The following NKAIN3 variants were observed in gnomAD, a reference collection of about 807,000 sequenced individuals.
NKAIN3 encodes sodium/potassium transporting ATPase interacting 3, also known as sodium/potassium-transporting ATPase subunit beta-1-interacting protein 3.
NKAIN3 carries 25 observed loss-of-function variants against 30.2 expected under a neutral mutation model. The observed-to-expected ratio is 0.83, with a 90% CI of 0.60 to 1.16. The LOEUF is 1.16. Ranked by LOEUF, NKAIN3 falls within the 50% of genes most tolerant of loss-of-function variation. The pLI, the probability that NKAIN3 is intolerant of heterozygous loss-of-function variation, is 0.00. For missense variants in NKAIN3, 225 were observed against 254.1 expected (o/e 0.89, Z 0.78); for synonymous variants, 91 against 89.6 (o/e 1.02, Z -0.09).
At chr8:62,879,103 G>C (rs1391976214) in intron 4 of NKAIN3, among the ~76,000 whole-genome samples, 2 of 152,148 alleles carry the variant, frequency 1.3e-5, no homozygotes, top group African/African-American at 2.4e-5. Flanking sequence ...TTCCACAACG[G>C]TTGAACTAGT....
intron 4 of NKAIN3, among the ~76,000 whole-genome samples, chr8:62,758,403 C>G (rs927463409): frequency 4.6e-5 from 7 of 152,062 alleles, no homozygotes; most frequent in Non-Finnish European, 8.8e-5. Context: ...GTATAAGATG[C>G]TAACATTTGA....
chr8:62,560,114 T>C (rs1809521792), intron 1 of NKAIN3, among the ~76,000 whole-genome samples: 1 of 152,172 alleles, frequency 6.6e-6, no homozygotes, highest in Non-Finnish European at 1.5e-5. Context: ...GCTTTTGTAA[T>C]TTCTACAATA....
At chr8:62,462,498 A>T (rs917869414) in intron 1 of NKAIN3, among the ~76,000 whole-genome samples, 8 of 152,168 alleles carry the variant, frequency 5.3e-5, no homozygotes, top group African/African-American at 1.9e-4. Context: ...AAATGTCAGT[A>T]CTCTGGGCAA....
chr8:62,479,176 C>T (rs1266833693), intron 1 of NKAIN3, among the ~76,000 whole-genome samples: 5 of 152,166 alleles, frequency 3.3e-5, no homozygotes, highest in African/African-American at 1.2e-4. Context: ...CATTCCTGGA[C>T]ATGAGTGTTT....
intron 5 of NKAIN3, among the ~76,000 whole-genome samples, chr8:62,949,314 T>C (rs747677852): frequency 6.6e-6 from 1 of 152,184 alleles, no homozygotes; most frequent in Non-Finnish European, 1.5e-5. Flanking sequence ...AAACTTCATT[T>C]GTGTGTCCCA....
At chr8:62,355,990 C>T (rs1334985095) in intron 1 of NKAIN3, among the ~76,000 whole-genome samples, 4 of 152,096 alleles carry the variant, frequency 2.6e-5, no homozygotes, top group Admixed American at 1.3e-4. Context: ...TATTTAAAAA[C>T]CTTGTGAATA....
chr8:62,751,751 G>A (rs1450629162), intron 4 of NKAIN3, among the ~76,000 whole-genome samples: 1 of 151,722 alleles, frequency 6.6e-6, no homozygotes, highest in African/African-American at 2.4e-5. Flanking sequence ...TATATAGATA[G>A]TATGTGTTAC....
intron 1 of NKAIN3, among the ~76,000 whole-genome samples, chr8:62,428,735 C>G (rs1804897504): frequency 6.6e-6 from 1 of 151,402 alleles, no homozygotes; most frequent in Non-Finnish European, 1.5e-5. Flanking sequence ...TTATTAATAC[C>G]CTTTCAGATA....
chr8:62,798,583 A>C (rs1424388332), intron 4 of NKAIN3, among the ~76,000 whole-genome samples: 2 of 151,998 alleles, frequency 1.3e-5, no homozygotes, highest in African/African-American at 4.8e-5. Context: ...CCCAAAAAAA[A>C]AACAACAAAA....
chr8:62,856,037 C>T, intron 4 of NKAIN3: 1 of 684,848 alleles, frequency 1.5e-6, no homozygotes, highest in Non-Finnish European at 2.7e-6. Flanking sequence ...GATGATGGTG[C>T]TTCTTCAGCA....
chr8:62,903,600 G>C (rs1214930234), intron 4 of NKAIN3, among the ~76,000 whole-genome samples: 1 of 152,136 alleles, frequency 6.6e-6, no homozygotes, highest in Admixed American at 6.6e-5. Context: ...TCCACCTGCT[G>C]CCTCTTCTTC....
intron 3 of NKAIN3, among the ~76,000 whole-genome samples, chr8:62,630,417 T>C (rs1354359753): frequency 1.3e-5 from 2 of 152,132 alleles, no homozygotes; most frequent in African/African-American, 4.8e-5. Context: ...CTAATTAGTA[T>C]TGGAGAACTG....
intron 1 of NKAIN3, among the ~76,000 whole-genome samples, chr8:62,264,098 C>T (rs138007307): frequency 7.4e-4 from 112 of 152,100 alleles, no homozygotes; most frequent in South Asian, 3.5e-3. Context: ...GAAGTATTTT[C>T]GAAACTATAC....
intron 1 of NKAIN3, among the ~76,000 whole-genome samples, chr8:62,506,258 A>G (rs1357737221): frequency 6.7e-6 from 1 of 149,250 alleles, no homozygotes. Flanking sequence ...CACCTGCCAT[A>G]TATCTTACTG....
chr8:62,457,346 G>A (rs1020723539), intron 1 of NKAIN3, among the ~76,000 whole-genome samples: 4 of 152,184 alleles, frequency 2.6e-5, no homozygotes, highest in Non-Finnish European at 4.4e-5. Flanking sequence ...AAATAAATTA[G>A]AGTGTTCACA....
chr8:62,741,381 A>G (rs536393936), intron 3 of NKAIN3, among the ~76,000 whole-genome samples: 1 of 139,894 alleles, frequency 7.1e-6, no homozygotes, highest in Non-Finnish European at 1.5e-5. Context: ...GAAGGAAGGA[A>G]GGAAGGAAGG....
chr8:62,510,336 G>A (rs1807780373), intron 1 of NKAIN3, among the ~76,000 whole-genome samples: 1 of 152,138 alleles, frequency 6.6e-6, no homozygotes, highest in South Asian at 2.1e-4. Context: ...GAGGTATTTT[G>A]TCCCAGACTG....
intron 4 of NKAIN3, among the ~76,000 whole-genome samples, chr8:62,824,509 C>A (rs1486550484): frequency 6.7e-6 from 1 of 148,856 alleles, no homozygotes. Flanking sequence ...CACACACACA[C>A]ACACACACAC....
intron 5 of NKAIN3, chr8:62,990,989 C>A (rs973392753): frequency 6.6e-6 from 1 of 152,234 alleles, no homozygotes; most frequent in Non-Finnish European, 1.5e-5. Context: ...TCTGAAGAAG[C>A]AGCATTTGAG....
Sources: gnomAD v4.1 joint callset for allele counts (sites outside exome capture counted in the v4.1 genomes callset) on GRCh38, gnomAD v4.1.1 for gene constraint, MANE v1.5 for transcripts, NCBI Gene and HGNC (gene_info 2026-07-23, HGNC 2026-07-21) for gene names.